Variants in PLSCR5 observed in about 807,000 individuals in gnomAD.
PLSCR5 encodes phospholipid scramblase family member 5, also known as phospholipid scramblase family, member 5.
A neutral mutation model predicts 33.6 loss-of-function variants in PLSCR5; 44 were observed. The observed-to-expected ratio is 1.31, with a 90% CI of 1.03 to 1.69. PLSCR5 has a LOEUF of 1.69. Ranked by LOEUF, PLSCR5 falls within the 40% of genes most tolerant of loss-of-function variation. The pLI, the probability that PLSCR5 is intolerant of heterozygous loss-of-function variation, is 0.00. For missense variants in PLSCR5, 375 were observed against 318.7 expected (o/e 1.18, Z -1.34); for synonymous variants, 148 against 112.3 (o/e 1.32, Z -2.01).
chr3:146,585,964 T>C lies in PLSCR5; in HGVS notation c.*45-22A>G. ...ATTTCTAGAAGAAAATGAAAAAGAGTTAGATAGCGTCAAATATAGACATCT... is the reference window on the plus strand; with the variant it reads ...ATTTCTAGAAGAAAATGAAAAAGAGCTAGATAGCGTCAAATATAGACATCT... On this transcript the variant is annotated intron_variant, in intron 7 of 7. Transcript: ENST00000443512. 4.3e-6 allele frequency: 5 copies of C among 1,158,050 alleles called. 1 individual carries two copies. The South Asian group carries it at 5.1e-5, about 12-fold the overall frequency. 71.7% of individuals were successfully genotyped at this position (1,158,050 alleles called of 1,614,324 possible).
intron 7 of PLSCR5, among the ~76,000 whole-genome samples, chr3:146,579,657 A>G (rs958577251): frequency 6.6e-6 from 1 of 152,210 alleles, no homozygotes; most frequent in African/African-American, 2.4e-5. Flanking sequence ...CCTCCTTAAT[A>G]CTTGTCAATT....
chr3:146,598,201 A>G (rs2044779144), intron 2 of PLSCR5, among the ~76,000 whole-genome samples: 1 of 152,062 alleles, frequency 6.6e-6, no homozygotes, highest in Non-Finnish European at 1.5e-5. Flanking sequence ...TTAATTGTAT[A>G]TTTCCTGTTT....
chr3:146,604,963 T>A (rs2044852011), intron 1 of PLSCR5, among the ~76,000 whole-genome samples: 1 of 152,162 alleles, frequency 6.6e-6, no homozygotes, highest in African/African-American at 2.4e-5. Flanking sequence ...TCACTATGTT[T>A]GTATTCATGA....
rs371042953 is a variant in PLSCR5, at chr3:146,594,024, G to T, written c.349C>A (p.Arg117=). 6 of 1,613,760 alleles carry T rather than the reference G, an allele frequency of 3.7e-6. No homozygotes were observed. Among genetic ancestry groups the T allele is most frequent in the Non-Finnish European group, 5.1e-6 (6 of 1,179,770 alleles). The change falls in exon 4 of 8, where the codon CGA becomes AGA. Residue 117 remains arginine, a synonymous_variant. Transcript: ENST00000443512. ...TCTGTGATCCTCAGGGTGCAAGATC[G>T]CAGAGTGGAACAGAAAGTACGATTG... is the stretch of plus-strand genomic sequence containing the variant. ...CFNRTFCSTL[R]SCTLRITDNS...
chr3:146,599,415 A>G (rs2044790982), intron 2 of PLSCR5, among the ~76,000 whole-genome samples: 1 of 152,116 alleles, frequency 6.6e-6, no homozygotes, highest in African/African-American at 2.4e-5. Context: ...TCTCTCTAGT[A>G]CTTTGATCCT....
chr3:146,586,392 A>G (rs1265707077), intron 6 of PLSCR5, among the ~76,000 whole-genome samples: 1 of 152,126 alleles, frequency 6.6e-6, no homozygotes, highest in African/African-American at 2.4e-5. Flanking sequence ...GAGAAGAAAA[A>G]TTTAAAAATT....
At chr3:146,588,544 T>C (rs181992382) in intron 6 of PLSCR5, among the ~76,000 whole-genome samples, 50 of 150,916 alleles carry the variant, frequency 3.3e-4, no homozygotes, top group African/African-American at 1.2e-3. Context: ...CACATGCATG[T>C]GCACATGTTC....
At chr3:146,581,838 A>G (rs984879070), downstream of PLSCR5, among the ~76,000 whole-genome samples, 3 of 152,240 alleles carry the variant, frequency 2.0e-5, no homozygotes, top group East Asian at 5.8e-4. Context: ...AAATGAAAAA[A>G]TGATTAATTG....
chr3:146,582,407 T>C (rs1454075097), downstream of PLSCR5, among the ~76,000 whole-genome samples: 1 of 152,112 alleles, frequency 6.6e-6, no homozygotes, highest in African/African-American at 2.4e-5. Flanking sequence ...GCATGCACAC[T>C]AGGAGGACAG....
intron 1 of PLSCR5, among the ~76,000 whole-genome samples, chr3:146,602,804 C>T (rs979642175): frequency 3.9e-5 from 6 of 152,014 alleles, no homozygotes; most frequent in South Asian, 2.1e-4. Flanking sequence ...TGTACATTCC[C>T]GCCCAGTCCT....
intron 7 of PLSCR5, among the ~76,000 whole-genome samples, chr3:146,578,078 C>CATTTT (rs10635974): frequency 0.66 from 98,079 of 149,704 alleles, 31,948 homozygotes; most frequent in African/African-American, 0.7. Flanking sequence ...TGAATACTGA[C>CATTTT]ATTTTATTTT....
At chr3:146,584,886 C>CT (rs2107847446), downstream of PLSCR5, among the ~76,000 whole-genome samples, 1 of 152,236 alleles carries the variant, frequency 6.6e-6, no homozygotes, top group South Asian at 2.1e-4. Context: ...CATACATTCT[C>CT]TTTTTCTAAG....
chr3:146,602,371 G>C (rs546550438), intron 1 of PLSCR5, among the ~76,000 whole-genome samples: 3 of 152,236 alleles, frequency 2.0e-5, no homozygotes, highest in Non-Finnish European at 4.4e-5. Context: ...ATGTACCATT[G>C]TCACTTTCAG....
At chr3:146,596,947 C>A (rs144702173) in intron 2 of PLSCR5, among the ~76,000 whole-genome samples, 2 of 151,920 alleles carry the variant, frequency 1.3e-5, no homozygotes, top group African/African-American at 2.4e-5. Flanking sequence ...AAATACTAGA[C>A]CAAGTCTTTA....
At chr3:146,587,960 A>G (rs996178643) in intron 6 of PLSCR5, among the ~76,000 whole-genome samples, 1 of 151,948 alleles carries the variant, frequency 6.6e-6, no homozygotes, top group Non-Finnish European at 1.5e-5. Flanking sequence ...TAGTTCATAT[A>G]TTTTCCAAAT....
rs1219239992 is a variant in PLSCR5 at position 146,589,814 on chromosome 3, C to A, written c.616G>T (p.Val206Leu). 2 of 1,514,656 alleles carry A rather than the reference C, an allele frequency of 1.3e-6. No homozygotes were observed. The highest frequency in any genetic ancestry group is 4.7e-5 in the East Asian group (2 of 42,948). 93.8% of individuals were successfully genotyped at this position (1,514,656 alleles called of 1,614,324 possible). ...CGCFGDVDFE[V>L]KTINEKLTIG... ...GTAAGCTTTTCATTAATGGTTTTCA[C>A]CTTTAGAAAGAAAATAAGGAGTATT... The change falls in exon 6 of 8, where the codon GTG (valine) becomes TTG (leucine). Residue 206 changes from valine to leucine, a missense_variant and splice_region_variant. Val to Leu is a conservative substitution (Grantham distance 32, BLOSUM62 1). Transcript: ENST00000443512.
intron 7 of PLSCR5, chr3:146,576,875 A>G (rs2044600700): frequency 6.6e-6 from 1 of 152,100 alleles, no homozygotes; most frequent in Non-Finnish European, 1.5e-5. Context: ...ACTGATTACT[A>G]TAGTTTTGAA....
intron 5 of PLSCR5, 115 bp from the exon 6 acceptor site, chr3:146,589,929 T>C (rs2044699738): frequency 1.5e-6 from 1 of 648,298 alleles, no homozygotes; most frequent in Non-Finnish European, 2.4e-6. Context: ...ATCTTCAAAA[T>C]GACAATTCCA....
intron 7 of PLSCR5, among the ~76,000 whole-genome samples, chr3:146,579,041 T>C (rs572030989): frequency 1.3e-5 from 2 of 152,186 alleles, no homozygotes; most frequent in South Asian, 4.2e-4. Flanking sequence ...ATTATTTAAA[T>C]ATGTGATGCC....
Sources: gnomAD v4.1 joint callset for allele counts (sites outside exome capture counted in the v4.1 genomes callset) on GRCh38, gnomAD v4.1.1 for gene constraint, MANE v1.5 for transcripts, NCBI Gene and HGNC (gene_info 2026-07-23, HGNC 2026-07-21) for gene names.